Variants in MAPK1IP1L observed in about 807,000 individuals in gnomAD.
The protein encoded by MAPK1IP1L is MAPK-interacting and spindle-stabilizing protein-like.
MAPK1IP1L carries 10 observed loss-of-function variants against 18.1 expected under a neutral mutation model. The ratio of observed to expected loss-of-function variants is 0.55; its 90% CI spans 0.34 to 0.94. The LOEUF (loss-of-function observed/expected upper bound fraction) is 0.94, where lower values mean the gene tolerates loss of function less well. MAPK1IP1L is among the 40% of genes least tolerant of loss of function. The pLI, the probability that MAPK1IP1L is intolerant of heterozygous loss-of-function variation, is 0.02. For synonymous variants in MAPK1IP1L, 115 were observed against 117.3 expected, an observed-to-expected ratio of 0.98 and a Z score of 0.13; for missense variants, 260 against 318.2, an observed-to-expected ratio of 0.82 and a Z score of 1.39.
In MAPK1IP1L at chr14:55,065,119, C is replaced by T. The variant is rs1414603556; in HGVS notation, c.*492C>T. 1 of 152,448 alleles carries T rather than the reference C, an allele frequency of 6.6e-6. No homozygotes were observed. The highest frequency in any genetic ancestry group is 1.5e-5 in the Non-Finnish European group (1 of 68,224). The allele number at this position is 152,448 out of a possible 1,614,324, so 9.4% of individuals were successfully genotyped here. ...CTGTCGGACAAATAAACCTGGTCCT[C>T]TTGAGGTTATATTTTGGATATACAT... is the stretch of plus-strand genomic sequence containing the variant. On this transcript the variant is annotated 3_prime_UTR_variant, in exon 4 of 4. Transcript: ENST00000395468.
intron 1 of MAPK1IP1L, among the ~76,000 whole-genome samples, chr14:55,053,739 C>G (rs989424723): frequency 2.0e-5 from 3 of 152,130 alleles, no homozygotes; most frequent in African/African-American, 4.8e-5. Flanking sequence ...TCCCTAGGGC[C>G]CATTTCACCG....
chr14:55,063,034 G>A lies in MAPK1IP1L; in HGVS notation c.435G>A (p.Trp145Ter). ...DPAAAGPLGP[W>*]GSMSSGPWAP... Reference sequence around the variant, plus strand: ...CTGCAGCTGGTCCTTTAGGTCCATGGGGATCCATGTCTTCTGGACCTTGGG... The same window carrying A: ...CTGCAGCTGGTCCTTTAGGTCCATGAGGATCCATGTCTTCTGGACCTTGGG... The change falls in exon 3 of 4, where the codon TGG becomes TGA. Residue 145 changes from tryptophan (W) to a stop codon, truncating the protein, a stop_gained. Coordinates refer to ENST00000395468, the MANE Select transcript of MAPK1IP1L (RefSeq NM_144578.4). LOFTEE classifies it high-confidence loss of function. The A allele has an allele frequency of 6.2e-7, 1 of 1,613,968 alleles. No individual in the cohort carries two copies. The highest frequency in any genetic ancestry group is 8.5e-7 in the Non-Finnish European group (1 of 1,179,942).
At chr14:55,053,586 A>G (rs2042747130) in intron 1 of MAPK1IP1L, among the ~76,000 whole-genome samples, 1 of 152,224 alleles carries the variant, frequency 6.6e-6, no homozygotes, top group Admixed American at 6.5e-5. Context: ...GCCGACTTTT[A>G]GTGAAATAAT....
chr14:55,053,087 C>T (rs2042743207), intron 1 of MAPK1IP1L, among the ~76,000 whole-genome samples: 1 of 152,166 alleles, frequency 6.6e-6, no homozygotes, highest in Non-Finnish European at 1.5e-5. Flanking sequence ...TCACATTTTG[C>T]CACCATGTAA....
chr14:55,060,154 ATTTTTTTTTTTTTTTTTTTTTT>A (rs71131248), intron 1 of MAPK1IP1L, among the ~76,000 whole-genome samples: 1 of 63,892 alleles, frequency 1.6e-5, no homozygotes, highest in African/African-American at 6.4e-5. Context: ...TTTTGGAGAA[ATTTTTTTTTTTTTTTTTTTTTT>A]TTTTTTTTTT....
At position 55,069,449 on chromosome 14, in the gene MAPK1IP1L, T is replaced by G. The variant is rs1296230610; in HGVS notation, c.*4822T>G. Reference sequence around the variant, plus strand: ...GAAGTAATTATAATTAGGAATAGGCTATGGATGTGATACTTGGTATTTTTT... The same window carrying G: ...GAAGTAATTATAATTAGGAATAGGCGATGGATGTGATACTTGGTATTTTTT... On this transcript the variant is annotated 3_prime_UTR_variant, in exon 4 of 4. Transcript: ENST00000395468. The G allele has an allele frequency of 6.6e-6, 1 of 152,660 alleles. No individual in the cohort carries two copies. The highest frequency in any genetic ancestry group is 1.5e-5 in the Non-Finnish European group (1 of 68,030). 9.5% of individuals were successfully genotyped at this position (152,660 alleles called of 1,614,324 possible).
chr14:55,058,476 A>G (rs2042788663), intron 1 of MAPK1IP1L, among the ~76,000 whole-genome samples: 1 of 152,214 alleles, frequency 6.6e-6, no homozygotes, highest in African/African-American at 2.4e-5. Context: ...TGATCAAGAA[A>G]ATAAACTACA....
In MAPK1IP1L at chr14:55,065,319, C is replaced by G. The variant is rs1277105108; in HGVS notation, c.*692C>G. 1.3e-5 allele frequency: 2 copies of G among 152,144 alleles called. No homozygotes were observed. Among genetic ancestry groups the G allele is most frequent in the African/African-American group, 4.8e-5 (2 of 41,426 alleles). 9.4% of individuals were successfully genotyped at this position (152,144 alleles called of 1,614,324 possible). A position where few individuals can be genotyped will look rare whatever the true frequency, so the allele number is the denominator to read the frequency against. On this transcript the variant is annotated 3_prime_UTR_variant, in exon 4 of 4. Transcript: ENST00000395468. ...CTTTTTTGTTTTTAATCCAGGCCAA[C>G]ATGTATGTAAATTAAATTTTTAGAT... is the stretch of plus-strand genomic sequence containing the variant.
intron 1 of MAPK1IP1L, among the ~76,000 whole-genome samples, chr14:55,058,766 A>G (rs1004663213): frequency 1.3e-5 from 2 of 151,802 alleles, no homozygotes; most frequent in African/African-American, 4.8e-5. Flanking sequence ...CAGGAGATGG[A>G]GGTTGCAGTG....
At chr14:55,054,601 A>T (rs1459009273) in intron 1 of MAPK1IP1L, among the ~76,000 whole-genome samples, 1 of 152,238 alleles carries the variant, frequency 6.6e-6, no homozygotes, top group African/African-American at 2.4e-5. Flanking sequence ...GTGGGCAGGA[A>T]TTATAACTTC....
At chr14:55,057,795 T>A (rs577793473) in intron 1 of MAPK1IP1L, among the ~76,000 whole-genome samples, 1 of 151,872 alleles carries the variant, frequency 6.6e-6, no homozygotes, top group South Asian at 2.1e-4. Flanking sequence ...CTAAAAATTT[T>A]AAAAATTAGC....
At chr14:55,061,741 T>C in intron 2 of MAPK1IP1L, 40 bp downstream of exon 2, 1 of 1,499,950 alleles carries the variant, frequency 6.7e-7, no homozygotes, top group Non-Finnish European at 9.0e-7. Flanking sequence ...TTTTCATCTC[T>C]TAAGAAAAAC....
At chr14:55,052,683 A>T (rs1566761006) in intron 1 of MAPK1IP1L, among the ~76,000 whole-genome samples, 2 of 152,230 alleles carry the variant, frequency 1.3e-5, no homozygotes, top group Non-Finnish European at 2.9e-5. Flanking sequence ...AGGCAAAGGT[A>T]GCCTTCAGAA....
In MAPK1IP1L at chr14:55,059,225, G is replaced by GAAAAA. The variant is rs3078612; in HGVS notation, c.-4-2439_-4-2435dup. 3.8e-3 allele frequency among the ~76,000 whole-genome samples: 239 copies of GAAAAA among 63,238 alleles called. 1 individual carries two copies. Among genetic ancestry groups the GAAAAA allele is most frequent in the Non-Finnish European group, 5.4e-3 (177 of 32,714 alleles). 41.5% of individuals were successfully genotyped at this position (63,238 alleles called of 152,430 possible). A position where few individuals can be genotyped will look rare whatever the true frequency, so the allele number is the denominator to read the frequency against. On this transcript the variant is annotated intron_variant, in intron 1 of 3. Transcript: ENST00000395468. Reference sequence around the variant, plus strand: ...AAAATAAAAATACATAGGAAAATCTGAAAAAAAAAAAAAAAAAAAAGACAG... The same window carrying GAAAAA: ...AAAATAAAAATACATAGGAAAATCTGAAAAAAAAAAAAAAAAAAAAAAAAAGACAG...
At chr14:55,057,094 AT>A (rs933708587) in intron 1 of MAPK1IP1L, among the ~76,000 whole-genome samples, 14 of 152,256 alleles carry the variant, frequency 9.2e-5, no homozygotes, top group African/African-American at 3.4e-4. Flanking sequence ...TAAATTAAAA[AT>A]AATGTAATTT....
At chr14:55,064,444 T>G (rs2042846461) in intron 3 of MAPK1IP1L, among the ~76,000 whole-genome samples, 172 bp from the exon 4 acceptor site, 2 of 152,246 alleles carry the variant, frequency 1.3e-5, no homozygotes, top group African/African-American at 4.8e-5. Flanking sequence ...AATTTCTTTC[T>G]TGCTATATAT....
chr14:55,057,754 C>CAA (rs56295502), intron 1 of MAPK1IP1L, among the ~76,000 whole-genome samples: 165 of 127,300 alleles, frequency 1.3e-3, no homozygotes, highest in African/African-American at 4.4e-3. Flanking sequence ...GACTCCATCT[C>CAA]AAAAAAAAAA....
At position 55,063,341 on chromosome 14, in the gene MAPK1IP1L, GTTAT is replaced by G. The variant is rs778086446; in HGVS notation, c.726+20_726+23del. ...TGGCCCCCATGTGAGTGTTCAATTTGTTATTTAAAGTGTACTAATTGTACATAGC... is the reference window on the plus strand; with the variant it reads ...TGGCCCCCATGTGAGTGTTCAATTTGTTAAAGTGTACTAATTGTACATAGC... On this transcript the variant is annotated intron_variant, in intron 3 of 3. Coordinates refer to ENST00000395468, the MANE Select transcript of MAPK1IP1L (RefSeq NM_144578.4). 1.9e-6 allele frequency: 3 copies of G among 1,573,554 alleles called. No homozygotes were observed. The highest frequency in any genetic ancestry group is 2.2e-5 in the East Asian group (1 of 44,534).
At chr14:55,054,505 A>T (rs897770710) in intron 1 of MAPK1IP1L, among the ~76,000 whole-genome samples, 1 of 152,192 alleles carries the variant, frequency 6.6e-6, no homozygotes, top group African/African-American at 2.4e-5. Context: ...CAACCCAAAA[A>T]TTTTGATTTC....
Sources: gnomAD v4.1 joint callset for allele counts (sites outside exome capture counted in the v4.1 genomes callset) on GRCh38, gnomAD v4.1.1 for gene constraint, MANE v1.5 for transcripts, NCBI Gene and HGNC (gene_info 2026-07-23, HGNC 2026-07-21) for gene names.